The following SGCD variants were observed in gnomAD, a reference collection of about 807,000 sequenced individuals.
SGCD encodes delta-sarcoglycan.
In SGCD, 18 loss-of-function variants were observed where a neutral mutation model predicts 36.6. The observed-to-expected ratio is 0.49, with a 90% CI of 0.34 to 0.73. The LOEUF is 0.73. SGCD is among the 30% of genes least tolerant of loss of function. The pLI is 0.01. For synonymous variants in SGCD, 133 were observed against 130.6 expected (o/e 1.02, Z -0.12); for missense variants, 387 against 346.7 (o/e 1.12, Z -0.92).
At chr5:155,985,662 A>G (rs914581655) in intron 1 of SGCD, among the ~76,000 whole-genome samples, 1 of 152,196 alleles carries the variant, frequency 6.6e-6, no homozygotes. Context: ...TTTCTCCCCT[A>G]CTTCTGCAGA....
intron 4 of SGCD, among the ~76,000 whole-genome samples, chr5:156,544,275 TGTGA>T (rs1758471007): frequency 6.6e-6 from 1 of 152,224 alleles, no homozygotes. Flanking sequence ...TGCTCAGTTC[TGTGA>T]GTAATTTCCT....
At chr5:156,442,894 G>A (rs911489531) in intron 3 of SGCD, among the ~76,000 whole-genome samples, 1 of 152,178 alleles carries the variant, frequency 6.6e-6, no homozygotes, top group African/African-American at 2.4e-5. Context: ...TTTAGACGGT[G>A]GTTGGTATTT....
intron 3 of SGCD, among the ~76,000 whole-genome samples, chr5:156,492,897 C>T (rs1239838305): frequency 3.9e-5 from 6 of 152,154 alleles, no homozygotes. Flanking sequence ...ATGAACTCAT[C>T]ATTTTCTATG....
intron 3 of SGCD, among the ~76,000 whole-genome samples, chr5:156,466,889 G>T (rs1194828715): frequency 6.6e-6 from 1 of 151,726 alleles, no homozygotes; most frequent in East Asian, 1.9e-4. Flanking sequence ...TTTTAATGAA[G>T]AAAGAGGCCA....
chr5:156,282,688 C>T (rs887809855), intron 3 of SGCD, among the ~76,000 whole-genome samples: 4 of 151,854 alleles, frequency 2.6e-5, no homozygotes, highest in East Asian at 3.9e-4. Flanking sequence ...TGATTACTTA[C>T]GTGTGGTCTA....
At chr5:156,033,498 T>G (rs556054654) in intron 1 of SGCD, among the ~76,000 whole-genome samples, 1 of 152,298 alleles carries the variant, frequency 6.6e-6, no homozygotes, top group South Asian at 2.1e-4. Flanking sequence ...TATTTGACTT[T>G]CTGTTTCTGA....
At chr5:156,034,802 G>A (rs1443884009) in intron 1 of SGCD, among the ~76,000 whole-genome samples, 1 of 152,212 alleles carries the variant, frequency 6.6e-6, no homozygotes, top group Middle Eastern at 3.2e-3. Flanking sequence ...TTGTCTTGCT[G>A]TAAGTACAGT....
chr5:156,743,452 T>A (rs1470076051), intron 7 of SGCD, among the ~76,000 whole-genome samples: 2 of 152,150 alleles, frequency 1.3e-5, no homozygotes, highest in Non-Finnish European at 2.9e-5. Flanking sequence ...TTGTTTAAAT[T>A]TCTTTTAACT....
intron 1 of SGCD, among the ~76,000 whole-genome samples, chr5:156,088,355 C>T (rs1291375337): frequency 4.6e-5 from 7 of 152,076 alleles, no homozygotes; most frequent in African/African-American, 1.7e-4. Flanking sequence ...TATTTATGGG[C>T]CATTGGGCTG....
Position 155,874,509 on chromosome 5 carries a change from A to G in SGCD, c.-282+4085A>G, listed in dbSNP as rs1462050635. Among the ~76,000 whole-genome samples, 3 of 152,180 alleles carry G rather than the reference A, an allele frequency of 2.0e-5. No individual in the cohort carries two copies. In the East Asian group the frequency reaches 5.8e-4, roughly 29 times the overall value. On this transcript the variant is annotated intron_variant, in intron 1 of 9. Coordinates refer to the SGCD transcript ENST00000517913. Reference sequence around the variant, plus strand: ...AGAGGAGAAAACATTTGCAAAGCATATATAAACAAATAACTTGTATCCAGG... The same window carrying G: ...AGAGGAGAAAACATTTGCAAAGCATGTATAAACAAATAACTTGTATCCAGG...
At chr5:156,224,359 A>G (rs1187449019) in intron 3 of SGCD, among the ~76,000 whole-genome samples, 1 of 152,136 alleles carries the variant, frequency 6.6e-6, no homozygotes, top group African/African-American at 2.4e-5. Flanking sequence ...TTGCCTCTGC[A>G]GTGGACAAAG....
At chr5:155,925,125 A>G (rs926404487) in intron 1 of SGCD, among the ~76,000 whole-genome samples, 3 of 151,882 alleles carry the variant, frequency 2.0e-5, no homozygotes, top group African/African-American at 7.3e-5. Context: ...TGATAGTGAT[A>G]GTAAAAACAA....
intron 3 of SGCD, among the ~76,000 whole-genome samples, chr5:156,505,831 C>T (rs190373986): frequency 6.6e-5 from 10 of 151,690 alleles, no homozygotes; most frequent in Admixed American, 3.9e-4. Flanking sequence ...AGAAAAAACA[C>T]GGTGGAGCAA....
At chr5:156,247,427 C>G (rs1765465658) in intron 3 of SGCD, among the ~76,000 whole-genome samples, 1 of 152,082 alleles carries the variant, frequency 6.6e-6, no homozygotes, top group Non-Finnish European at 1.5e-5. Flanking sequence ...TTTTTGGTGT[C>G]TACTACATAG....
At chr5:156,257,360 G>A (rs1765740597) in intron 3 of SGCD, among the ~76,000 whole-genome samples, 1 of 152,174 alleles carries the variant, frequency 6.6e-6, no homozygotes, top group East Asian at 1.9e-4. Context: ...TGTAGTCCCA[G>A]CTACTTGGGA....
chr5:156,442,916 C>T (rs1360941097), intron 3 of SGCD, among the ~76,000 whole-genome samples: 1 of 152,066 alleles, frequency 6.6e-6, no homozygotes, highest in African/African-American at 2.4e-5. Flanking sequence ...GGAAGGAAAC[C>T]GTAGCTGTGA....
rs562712239 is a variant in SGCD, at chr5:156,331,406, T to G, written c.3+1827T>G. Reference sequence around the variant, plus strand: ...ACTTAGTATATAAATCCTGTGAGATTGGTTTGCTCAGAAAGCTTTGTTGGT... The same window carrying G: ...ACTTAGTATATAAATCCTGTGAGATGGGTTTGCTCAGAAAGCTTTGTTGGT... On this transcript the variant is annotated intron_variant, in intron 2 of 8. Coordinates refer to ENST00000337851, the MANE Select transcript of SGCD (RefSeq NM_000337.6). Among the ~76,000 whole-genome samples the G allele has an allele frequency of 4.6e-5, 7 of 152,308 alleles. No homozygotes were observed. The East Asian group carries it at 1.3e-3, about 29-fold the overall frequency.
intron 4 of SGCD, among the ~76,000 whole-genome samples, chr5:156,574,466 A>G (rs253607): frequency 0.52 from 78,721 of 151,992 alleles, 21,071 homozygotes; most frequent in African/African-American, 0.64. Context: ...TTTTCTAGCT[A>G]AAGAAACTAA....
At chr5:156,029,957 C>T (rs971573552) in intron 1 of SGCD, among the ~76,000 whole-genome samples, 17 of 152,178 alleles carry the variant, frequency 1.1e-4, no homozygotes, top group Non-Finnish European at 2.4e-4. Context: ...TCGCCAAGCC[C>T]TCCAGCCCTC....
Sources: gnomAD v4.1 joint callset for allele counts (sites outside exome capture counted in the v4.1 genomes callset) on GRCh38, gnomAD v4.1.1 for gene constraint, MANE v1.5 for transcripts, NCBI Gene and HGNC (gene_info 2026-07-23, HGNC 2026-07-21) for gene names.